Variants in PTK2B observed in about 807,000 individuals in gnomAD.
The protein encoded by PTK2B is protein tyrosine kinase 2 beta.
In PTK2B, 71 loss-of-function variants were observed where a neutral mutation model predicts 142.9. The observed-to-expected ratio is 0.50, with a 90% confidence interval of 0.41 to 0.61. The LOEUF is 0.61. PTK2B is among the 20% of genes least tolerant of loss of function. The pLI is 0.00. For synonymous variants in PTK2B, 519 were observed against 503.4 expected, an observed-to-expected ratio of 1.03 and a Z score of -0.42; for missense variants, 1,105 against 1,320.4, an observed-to-expected ratio of 0.84 and a Z score of 2.53.
At chr8:27,364,059 C>T (rs943171720) in intron 1 of PTK2B, among the ~76,000 whole-genome samples, 2 of 152,204 alleles carry the variant, frequency 1.3e-5, no homozygotes, top group Non-Finnish European at 2.9e-5. Flanking sequence ...AAGGAGTCCT[C>T]ACAACAGCGC....
intron 1 of PTK2B, among the ~76,000 whole-genome samples, chr8:27,341,988 C>T (rs571702686): frequency 6.6e-6 from 1 of 152,224 alleles, no homozygotes; most frequent in South Asian, 2.1e-4. Flanking sequence ...GCAGGGCTTT[C>T]AAACTGGGCT....
Position 27,430,887 on chromosome 8 carries a change from C to G in PTK2B, c.681C>G (p.Phe227Leu), listed in dbSNP as rs1486600375. The G allele has an allele frequency of 1.2e-5, 19 of 1,613,818 alleles. No individual in the cohort carries two copies. The highest frequency in any genetic ancestry group is 1.5e-5 in the Non-Finnish European group (18 of 1,179,942). ...ATCCCCTCCCCCAGCCCAAACAGTT[C>G]CGGAAGATGATCCAGCAGACCTTCC... is the stretch of plus-strand genomic sequence containing the variant. ...QMQENLKPKQFRKMIQQTFQQ... is the reference protein window; with the variant it reads ...QMQENLKPKQLRKMIQQTFQQ... Residue 227 changes from phenylalanine (F) to leucine (L), a missense_variant, in exon 8 of 31, where the codon TTC (phenylalanine) becomes TTG (leucine). Physicochemically the swap from Phe to Leu is conservative, Grantham distance 22. Coordinates refer to ENST00000346049, the MANE Select transcript of PTK2B (RefSeq NM_173176.3).
intron 2 of PTK2B, among the ~76,000 whole-genome samples, chr8:27,402,351 C>A (rs1261486146): frequency 6.6e-6 from 1 of 151,982 alleles, no homozygotes; most frequent in Non-Finnish European, 1.5e-5. Flanking sequence ...GTTCACATGC[C>A]CAGTTTTGGA....
In PTK2B at chr8:27,437,412, C is replaced by T. The variant is rs373082114; in HGVS notation, c.1443C>T (p.Leu481=). The T allele has an allele frequency of 1.3e-4, 207 of 1,612,368 alleles. No homozygotes were observed. The highest frequency in any genetic ancestry group is 1.6e-4 in the Non-Finnish European group (189 of 1,179,252). The change falls in exon 17 of 31, where the codon CTC becomes CTT. Residue 481 remains leucine, a synonymous_variant. Transcript: ENST00000346049. The stretch of plus-strand genomic sequence containing the variant: ...ACACTGCAGTGATCATGAAGAACCT[C>T]GACCACCCGCACATCGTGAAGCTGA... ...FMSEAVIMKN[L]DHPHIVKLIG...
At chr8:27,336,334 A>G (rs765710154) in intron 1 of PTK2B, among the ~76,000 whole-genome samples, 4 of 152,196 alleles carry the variant, frequency 2.6e-5, no homozygotes, top group Non-Finnish European at 5.9e-5. Context: ...ACCTTTCATA[A>G]AAATGACCTC....
At chr8:27,347,638 A>G (rs1337710719) in intron 1 of PTK2B, among the ~76,000 whole-genome samples, 1 of 152,144 alleles carries the variant, frequency 6.6e-6, no homozygotes, top group Non-Finnish European at 1.5e-5. Flanking sequence ...GGCACCAGCC[A>G]TACTGGATTA....
intron 1 of PTK2B, among the ~76,000 whole-genome samples, chr8:27,360,483 G>T (rs562563688): frequency 2.0e-4 from 31 of 152,364 alleles, no homozygotes; most frequent in Admixed American, 2.0e-3. Flanking sequence ...CAGCCCAAGA[G>T]CATTCAGTGT....
Position 27,341,990 on chromosome 8 carries a change from A to G in PTK2B, c.-38+16309A>G, listed in dbSNP as rs537244923. The stretch of plus-strand genomic sequence containing the variant: ...ACCCCACCTGGCTGCAGGGCTTTCA[A>G]ACTGGGCTCCAACTCCATAGTTTCT... On this transcript the variant is annotated intron_variant, in intron 1 of 30. Transcript: ENST00000346049. Among the ~76,000 whole-genome samples the G allele has an allele frequency of 3.9e-5, 6 of 152,188 alleles. No homozygotes were observed. In the South Asian group the frequency reaches 1.2e-3, roughly 32 times the overall value.
intron 1 of PTK2B, among the ~76,000 whole-genome samples, chr8:27,351,021 ATATATATATATATATATATAC>A: frequency 1.3e-5 from 1 of 79,006 alleles, no homozygotes; most frequent in African/African-American, 5.4e-5. Context: ...ATATATATAT[ATATATATATATATATATATAC>A]GTGCTTGGAG....
intron 1 of PTK2B, chr8:27,326,998 G>A (rs987874856): frequency 7.9e-5 from 12 of 152,328 alleles, no homozygotes; most frequent in African/African-American, 2.9e-4. Context: ...AGGGCTGTGG[G>A]GGGAGCCAGT....
At chr8:27,371,219 T>G (rs1400949996) in intron 1 of PTK2B, among the ~76,000 whole-genome samples, 1 of 152,116 alleles carries the variant, frequency 6.6e-6, no homozygotes, top group Non-Finnish European at 1.5e-5. Context: ...TAAGCCCCAG[T>G]GGAATGTCCA....
At chr8:27,310,901 C>T (rs1166151155), upstream of PTK2B, 12 of 1,612,914 alleles carry the variant, frequency 7.4e-6, no homozygotes, top group Non-Finnish European at 9.3e-6. Flanking sequence ...GTCCTCGAGG[C>T]AGAAGAGGCT....
At chr8:27,426,113 C>G (rs1037673110) in intron 5 of PTK2B, among the ~76,000 whole-genome samples, 2 of 152,152 alleles carry the variant, frequency 1.3e-5, no homozygotes, top group African/African-American at 4.8e-5. Context: ...ATACGTAACC[C>G]CAGATTAGCT....
intron 1 of PTK2B, among the ~76,000 whole-genome samples, chr8:27,339,411 T>A (rs1804258728): frequency 6.6e-6 from 1 of 152,232 alleles, no homozygotes; most frequent in South Asian, 2.1e-4. Flanking sequence ...ACTCACCACC[T>A]ACTGCACAGA....
At chr8:27,443,275 G>A (rs1429373283) in intron 22 of PTK2B, among the ~76,000 whole-genome samples, 10 of 152,228 alleles carry the variant, frequency 6.6e-5, no homozygotes, top group African/African-American at 2.4e-4. Context: ...AGATCCCCCT[G>A]AGGACACATG....
At chr8:27,319,131 T>A (rs545882239) in intron 3 of PTK2B, among the ~76,000 whole-genome samples, 1 of 152,302 alleles carries the variant, frequency 6.6e-6, no homozygotes, top group South Asian at 2.1e-4. Context: ...CTTATTTTGT[T>A]CATTTTTTTT....
intron 10 of PTK2B, 141 bp downstream of exon 10, chr8:27,432,502 G>C: frequency 5.7e-6 from 4 of 707,546 alleles, no homozygotes; most frequent in Non-Finnish European, 9.2e-6. Context: ...TAAGAAAACT[G>C]CACCAAGTTC....
At chr8:27,391,618 T>G (rs1208171216) in intron 1 of PTK2B, among the ~76,000 whole-genome samples, 1 of 152,220 alleles carries the variant, frequency 6.6e-6, no homozygotes, top group Non-Finnish European at 1.5e-5. Flanking sequence ...CTAGGTGCAG[T>G]TACAACCTGG....
intron 1 of PTK2B, among the ~76,000 whole-genome samples, chr8:27,361,430 C>T (rs1586160239): frequency 6.6e-6 from 1 of 152,144 alleles, no homozygotes; most frequent in East Asian, 1.9e-4. Flanking sequence ...CACTTTGTTG[C>T]TCCAGCTGTT....
Sources: allele counts gnomAD v4.1 joint callset (sites outside exome capture counted in the v4.1 genomes callset), GRCh38; gene constraint gnomAD v4.1.1; transcripts MANE v1.5; gene names NCBI Gene and HGNC (gene_info 2026-07-23, HGNC 2026-07-21).